The following HECW1 variants were observed in gnomAD, a reference collection of about 807,000 sequenced individuals.
HECW1 encodes HECT, C2 and WW domain containing E3 ubiquitin protein ligase 1.
HECW1 carries 61 observed loss-of-function variants against 182.3 expected under a neutral mutation model. The ratio of observed to expected loss-of-function variants is 0.33; its 90% CI spans 0.27 to 0.41. The LOEUF (loss-of-function observed/expected upper bound fraction) is 0.41. HECW1 is among the 10% of genes least tolerant of loss of function. The probability of loss-of-function intolerance (pLI) is 1.00; values close to 1 mark genes in which losing one functional copy is unlikely to be tolerated. For synonymous variants in HECW1, 859 were observed against 832.6 expected (o/e 1.03, Z -0.55); for missense variants, 1,739 against 2,108.9 (o/e 0.82, Z 3.44).
intron 2 of HECW1, among the ~76,000 whole-genome samples, chr7:43,233,973 C>T (rs1798089908): frequency 1.3e-5 from 2 of 152,246 alleles, no homozygotes; most frequent in Admixed American, 1.3e-4. Context: ...TACTTCATAT[C>T]ATCCAGAAAT....
rs775838268 is a variant in HECW1, at chr7:43,360,873, G to A, written c.461-13G>A. 1 of 1,608,494 alleles carries A rather than the reference G, an allele frequency of 6.2e-7. No individual in the cohort carries two copies. The highest frequency in any genetic ancestry group is 1.1e-5 in the South Asian group (1 of 90,938). On this transcript the variant is annotated splice_polypyrimidine_tract_variant and intron_variant, in intron 5 of 29. Transcript: ENST00000395891. ...ACCCTACTTCTCAGTCTCATTTTTT[G>A]TTTGTCTTTCAGCTGAAACTAAGAT...
At chr7:43,554,317 T>C (rs1462421207) in intron 28 of HECW1, among the ~76,000 whole-genome samples, 1 of 152,240 alleles carries the variant, frequency 6.6e-6, no homozygotes, top group Non-Finnish European at 1.5e-5. Flanking sequence ...AAGTGGAGTC[T>C]CAGTTGTTTA....
chr7:43,495,985 G>GTT (rs199931013), intron 19 of HECW1, among the ~76,000 whole-genome samples: 1 of 150,968 alleles, frequency 6.6e-6, no homozygotes, highest in Non-Finnish European at 1.5e-5. Flanking sequence ...ATTAGAAAAG[G>GTT]TTTTTTTTTA....
intron 19 of HECW1, among the ~76,000 whole-genome samples, chr7:43,493,652 ACT>A (rs1417349683): frequency 2.0e-5 from 3 of 152,226 alleles, no homozygotes; most frequent in Admixed American, 6.5e-5. Flanking sequence ...GTGCCCTGAA[ACT>A]CTGAATCACA....
chr7:43,511,156 C>T (rs898902314), intron 24 of HECW1: 1 of 152,206 alleles, frequency 6.6e-6, no homozygotes, highest in Non-Finnish European at 1.5e-5. Context: ...TGCCTGTCCT[C>T]GAAATGCAGG....
At chr7:43,415,054 AATTTG>A (rs1412488023) in intron 8 of HECW1, among the ~76,000 whole-genome samples, 31 of 151,438 alleles carry the variant, frequency 2.0e-4, no homozygotes, top group African/African-American at 7.3e-4. Flanking sequence ...GTTATGTGTG[AATTTG>A]ATCCTGTCAT....
At chr7:43,510,296 C>T (rs1440941250) in intron 24 of HECW1, 3 of 152,188 alleles carry the variant, frequency 2.0e-5, no homozygotes, top group African/African-American at 4.8e-5. Context: ...AATACAATCC[C>T]TCAACTAGCT....
chr7:43,473,133 A>C (rs1219273878), intron 16 of HECW1, among the ~76,000 whole-genome samples: 1 of 152,080 alleles, frequency 6.6e-6, no homozygotes, highest in Non-Finnish European at 1.5e-5. Context: ...GGTTGTTAAA[A>C]ACAGCCTGGC....
intron 3 of HECW1, among the ~76,000 whole-genome samples, chr7:43,267,512 A>G (rs1021100576): frequency 1.1e-4 from 16 of 152,050 alleles, no homozygotes; most frequent in African/African-American, 3.6e-4. Flanking sequence ...AAGAAAAGAA[A>G]ATAACTGTGT....
chr7:43,121,768 A>G (rs1306646724), intron 2 of HECW1: 1 of 152,082 alleles, frequency 6.6e-6, no homozygotes, highest in Non-Finnish European at 1.5e-5. Context: ...AATGAGTATC[A>G]TTATTTGCTT....
At chr7:43,229,224 A>AT (rs1562704611) in intron 2 of HECW1, among the ~76,000 whole-genome samples, 1 of 152,152 alleles carries the variant, frequency 6.6e-6, no homozygotes, top group African/African-American at 2.4e-5. Flanking sequence ...ATAGGAGTTC[A>AT]TTTTTTTGGA....
At chr7:43,301,832 A>G (rs1267013699) in intron 3 of HECW1, among the ~76,000 whole-genome samples, 2 of 151,192 alleles carry the variant, frequency 1.3e-5, no homozygotes, top group Non-Finnish European at 2.9e-5. Context: ...CTGGGATCGC[A>G]CCATTTCCTT....
chr7:43,501,183 C>CTTTTTTT (rs567367189), intron 20 of HECW1, 30 bp from the exon 21 acceptor site: 505 of 746,356 alleles, frequency 6.8e-4, no homozygotes, highest in South Asian at 1.6e-3. Context: ...TCTTTTCTTT[C>CTTTTTTT]TTTTTTTTTT....
At chr7:43,318,245 C>T (rs1809591964) in intron 4 of HECW1, among the ~76,000 whole-genome samples, 1 of 152,166 alleles carries the variant, frequency 6.6e-6, no homozygotes, top group African/African-American at 2.4e-5. Flanking sequence ...TATAATGAGG[C>T]AAATTTCTAC....
At chr7:43,429,630 A>T (rs1482014262) in intron 8 of HECW1, among the ~76,000 whole-genome samples, 3 of 152,176 alleles carry the variant, frequency 2.0e-5, no homozygotes, top group Non-Finnish European at 4.4e-5. Context: ...GACTAGTGCC[A>T]CCTGAACTGA....
rs1470900495 is a variant in HECW1 at position 43,125,546 on chromosome 7, G to A, written c.-32+11155G>A. On this transcript the variant is annotated intron_variant, in intron 2 of 29. Transcript: ENST00000395891. Reference sequence around the variant, plus strand: ...TCAAGGTGGGTGGATCACAAGGTCAGGAGTTCGAGACCAGCCTGGCCAATA... The same window carrying A: ...TCAAGGTGGGTGGATCACAAGGTCAAGAGTTCGAGACCAGCCTGGCCAATA... Among the ~76,000 whole-genome samples, 4 of 151,946 alleles carry A rather than the reference G, an allele frequency of 2.6e-5. No homozygotes were observed. In the East Asian group the frequency reaches 7.8e-4, roughly 29 times the overall value.
At chr7:43,191,373 A>G (rs578104657) in intron 2 of HECW1, among the ~76,000 whole-genome samples, 1 of 152,350 alleles carries the variant, frequency 6.6e-6, no homozygotes, top group East Asian at 1.9e-4. Flanking sequence ...GTTAGCTGCT[A>G]AACTGCCATG....
chr7:43,362,438 C>T (rs937801508), intron 6 of HECW1, among the ~76,000 whole-genome samples: 1 of 152,154 alleles, frequency 6.6e-6, no homozygotes, highest in African/African-American at 2.4e-5. Context: ...TTGACGGCTT[C>T]GCTGTTTTTC....
chr7:43,436,273 T>A (rs973993976), intron 8 of HECW1, among the ~76,000 whole-genome samples: 1 of 151,898 alleles, frequency 6.6e-6, no homozygotes, highest in African/African-American at 2.4e-5. Flanking sequence ...GACTGTAACA[T>A]TCAATGTTAA....
Sources: allele counts gnomAD v4.1 joint callset (sites outside exome capture counted in the v4.1 genomes callset), GRCh38; gene constraint gnomAD v4.1.1; transcripts MANE v1.5; gene names NCBI Gene and HGNC (gene_info 2026-07-23, HGNC 2026-07-21).